Variants in TGM3 observed in about 807,000 individuals in gnomAD.
The protein encoded by TGM3 is protein-glutamine gamma-glutamyltransferase E.
In TGM3, 52 loss-of-function variants were observed where a neutral mutation model predicts 73.8. That is an observed-to-expected ratio of 0.70 (90% CI 0.56 to 0.89). The LOEUF (loss-of-function observed/expected upper bound fraction) is 0.89. TGM3 is among the 40% of genes least tolerant of loss of function. The probability of loss-of-function intolerance (pLI) is 0.00; values close to 1 mark genes in which losing one functional copy is unlikely to be tolerated. For synonymous variants in TGM3, 372 were observed against 354.9 expected (o/e 1.05, Z -0.54); for missense variants, 928 against 909.9 (o/e 1.02, Z -0.26).
At chr20:2,298,675 A>C (rs987220395) in intron 1 of TGM3, among the ~76,000 whole-genome samples, 1 of 152,152 alleles carries the variant, frequency 6.6e-6, no homozygotes, top group South Asian at 2.1e-4. Context: ...CTGGGACACC[A>C]GTCGCCCCTC....
At chr20:2,306,107 C>T (rs555504300) in intron 1 of TGM3, among the ~76,000 whole-genome samples, 173 of 152,268 alleles carry the variant, frequency 1.1e-3, no homozygotes, top group Non-Finnish European at 2.1e-3. Context: ...GGAGGAGCCT[C>T]TACTATTGAC....
intron 1 of TGM3, 128 bp from the exon 2 acceptor site, chr20:2,309,529 C>A: frequency 2.3e-6 from 2 of 859,944 alleles, no homozygotes; most frequent in Non-Finnish European, 3.7e-6. Context: ...TAATGTGATT[C>A]TTTCTAGGAA....
At chr20:2,336,743 G>A (rs939367513) in intron 11 of TGM3, among the ~76,000 whole-genome samples, 1 of 151,832 alleles carries the variant, frequency 6.6e-6, no homozygotes, top group African/African-American at 2.4e-5. Flanking sequence ...AAGGGCAGTC[G>A]TTCAGGCCTT....
intron 11 of TGM3, among the ~76,000 whole-genome samples, chr20:2,338,001 C>T (rs972220749): frequency 6.6e-6 from 1 of 152,186 alleles, no homozygotes; most frequent in Non-Finnish European, 1.5e-5. Flanking sequence ...CTTTCCTCCA[C>T]CTAAGCCTTC....
chr20:2,310,621 T>A (rs2084198850), intron 3 of TGM3, among the ~76,000 whole-genome samples: 1 of 152,236 alleles, frequency 6.6e-6, no homozygotes, highest in Admixed American at 6.5e-5. Context: ...CAAGCCCCAA[T>A]GTCCTCACCA....
intron 9 of TGM3, among the ~76,000 whole-genome samples, chr20:2,330,117 C>T (rs565295197): frequency 2.0e-5 from 3 of 152,258 alleles, no homozygotes; most frequent in African/African-American, 7.2e-5. Flanking sequence ...GACAGATCAC[C>T]CTGCCTGATG....
intron 9 of TGM3, among the ~76,000 whole-genome samples, chr20:2,331,458 A>G (rs1346698373): frequency 6.6e-6 from 1 of 152,202 alleles, no homozygotes; most frequent in East Asian, 1.9e-4. Flanking sequence ...CACACCGACC[A>G]TGGGAAGTCC....
Position 2,317,367 on chromosome 20 carries a change from A to T in TGM3, c.865A>T (p.Ile289Phe). 6.2e-7 allele frequency: 1 copy of T among 1,614,076 alleles called. No homozygotes were observed. Among genetic ancestry groups the T allele is most frequent in the Non-Finnish European group, 8.5e-7 (1 of 1,180,020 alleles). The change falls in exon 7 of 13, where the codon ATT becomes TTT. Residue 289 changes from isoleucine (I) to phenylalanine (F), a missense_variant. By Grantham distance (21) the Ile-to-Phe change is conservative. Transcript: ENST00000381458. ...ACTTGCAGCGCTGCGGTCTTTGGGG[A>T]TTCCTTCCCGGGTGATCACCAACTT... ...TLNTALRSLGIPSRVITNFNS... is the reference protein window; with the variant it reads ...TLNTALRSLGFPSRVITNFNS...
intron 1 of TGM3, among the ~76,000 whole-genome samples, chr20:2,301,749 G>A (rs1357114583): frequency 1.3e-5 from 2 of 151,960 alleles, no homozygotes; most frequent in Non-Finnish European, 2.9e-5. Flanking sequence ...CGCCCAGGCA[G>A]GAGTGCAGTG....
At chr20:2,340,329 G>A (rs2084374459) in intron 12 of TGM3, 105 bp from the exon 13 acceptor site, 2 of 1,501,788 alleles carry the variant, frequency 1.3e-6, no homozygotes, top group Admixed American at 1.9e-5. Context: ...AGAAGCAGTG[G>A]CCTTGCCCAG....
At chr20:2,313,233 G>A (rs1260786544) in intron 5 of TGM3, among the ~76,000 whole-genome samples, 1 of 152,180 alleles carries the variant, frequency 6.6e-6, no homozygotes, top group Non-Finnish European at 1.5e-5. Flanking sequence ...TGAGTATGTG[G>A]CAGAAGCAGA....
intron 1 of TGM3, among the ~76,000 whole-genome samples, chr20:2,298,905 G>C (rs886195741): frequency 6.6e-6 from 1 of 152,124 alleles, no homozygotes; most frequent in East Asian, 1.9e-4. Context: ...GCTGCCTCCT[G>C]TCTGCCCGGC....
intron 1 of TGM3, among the ~76,000 whole-genome samples, chr20:2,299,180 G>T (rs1234527447): frequency 6.6e-6 from 1 of 152,050 alleles, no homozygotes; most frequent in African/African-American, 2.4e-5. Context: ...CCAAAATGGG[G>T]TTATTGCAGT....
chr20:2,339,981 A>G lies in TGM3; in HGVS notation c.1928A>G (p.Lys643Arg), dbSNP rs1056780179. The part of the protein sequence containing the change: ...EGSGLLLGNL[K>R]IDVPTLGPKE... ...AGCGGCCTGCTGTTGGGTAACCTGAAGATCGAGTGAGTCCTGGGCCTAAGT... is the reference window on the plus strand; with the variant it reads ...AGCGGCCTGCTGTTGGGTAACCTGAGGATCGAGTGAGTCCTGGGCCTAAGT... The change falls in exon 12 of 13, where the codon AAG (lysine) becomes AGG (arginine). Residue 643 changes from lysine to arginine, a missense_variant. Coordinates refer to ENST00000381458, the MANE Select transcript of TGM3 (RefSeq NM_003245.4). 3.0e-6 allele frequency: 4 copies of G among 1,351,918 alleles called. No homozygotes were observed. The African/African-American group carries it at 6.3e-5, about 21-fold the overall frequency. 83.7% of individuals were successfully genotyped at this position (1,351,918 alleles called of 1,614,324 possible). A position where few individuals can be genotyped will look rare whatever the true frequency, so the allele number is the denominator to read the frequency against.
intron 1 of TGM3, among the ~76,000 whole-genome samples, chr20:2,299,613 C>G (rs1037855723): frequency 6.6e-6 from 1 of 152,196 alleles, no homozygotes. Context: ...CAGCCTTCCC[C>G]TCCCTCAGCC....
intron 8 of TGM3, 168 bp downstream of exon 8, chr20:2,326,120 GGCT>G (rs1349082430): frequency 2.8e-6 from 2 of 702,242 alleles, no homozygotes; most frequent in East Asian, 5.5e-5. Flanking sequence ...GCTTGGCTCG[GGCT>G]GCTGTTTAAA....
intron 11 of TGM3, among the ~76,000 whole-genome samples, chr20:2,337,015 T>A (rs1356296384): frequency 1.3e-5 from 2 of 152,180 alleles, no homozygotes; most frequent in Non-Finnish European, 2.9e-5. Context: ...TGGAATATTA[T>A]CCTTCTTTGT....
At position 2,308,879 on chromosome 20, in the gene TGM3, CTT is replaced by C. The variant is rs11308962; in HGVS notation, c.8-764_8-763del. ...TGAGAGAGGTATCCTCCCTTCAGTT[CTT>C]TTTTTTTTTTTTTGAGACAGAGTTT... is the stretch of plus-strand genomic sequence containing the variant. On this transcript the variant is annotated intron_variant, in intron 1 of 12. Coordinates refer to ENST00000381458, the MANE Select transcript of TGM3 (RefSeq NM_003245.4). Among the ~76,000 whole-genome samples, 693 of 142,422 alleles carry C rather than the reference CTT, an allele frequency of 4.9e-3. 4 individuals carry two copies. Among genetic ancestry groups the C allele is most frequent in the South Asian group, 0.039 (173 of 4,438 alleles). 93.4% of individuals were successfully genotyped at this position (142,422 alleles called of 152,430 possible).
chr20:2,336,081 C>T (rs1466380214), intron 11 of TGM3, among the ~76,000 whole-genome samples: 2 of 152,210 alleles, frequency 1.3e-5, no homozygotes, highest in African/African-American at 4.8e-5. Flanking sequence ...CACTCCCAGG[C>T]TCCTTCTCAG....
Sources: allele counts gnomAD v4.1 joint callset (sites outside exome capture counted in the v4.1 genomes callset), GRCh38; gene constraint gnomAD v4.1.1; transcripts MANE v1.5; gene names NCBI Gene and HGNC (gene_info 2026-07-23, HGNC 2026-07-21).